SORBS2: variants seen among roughly 807,000 people sequenced by gnomAD.
The protein encoded by SORBS2 is sorbin and SH3 domain-containing protein 2.
In SORBS2, 46 loss-of-function variants were observed where a neutral mutation model predicts 97.7. The ratio of observed to expected loss-of-function variants is 0.47; its 90% CI spans 0.37 to 0.60. SORBS2 has a LOEUF of 0.60. Among genes scored for constraint, SORBS2 ranks in the 20% least tolerant of loss-of-function variants. The pLI, the probability that SORBS2 is intolerant of heterozygous loss-of-function variation, is 0.00. For synonymous variants in SORBS2, 476 were observed against 473.4 expected, an observed-to-expected ratio of 1.01 and a Z score of -0.07; for missense variants, 1,316 against 1,282.3, an observed-to-expected ratio of 1.03 and a Z score of -0.40.
chr4:185,720,551 T>C (rs1348938198), intron 2 of SORBS2, among the ~76,000 whole-genome samples: 1 of 152,184 alleles, frequency 6.6e-6, no homozygotes, highest in Non-Finnish European at 1.5e-5. Context: ...ATTTCCTTTC[T>C]GTGTCCCTCC....
chr4:185,628,058 G>T (rs931717751), intron 5 of SORBS2, among the ~76,000 whole-genome samples: 29 of 152,072 alleles, frequency 1.9e-4, no homozygotes, highest in African/African-American at 7.0e-4. Flanking sequence ...ACATGGATGC[G>T]CCACAGTTTA....
rs2096455272 is a variant in SORBS2 at position 185,607,609 on chromosome 4, G to T, written c.2796+4171C>A. ...TGAAACTCTACTAGTTTTGGAAGGG[G>T]TCTTAAATGTCAAACAAGATAAAGA... On this transcript the variant is annotated intron_variant, in intron 12 of 14. Coordinates refer to ENST00000418609, the Ensembl canonical transcript of SORBS2. The surrounding 1 kb of genome is among the most constrained non-coding windows in gnomAD (Gnocchi z 5.2). 6.6e-6 allele frequency among the ~76,000 whole-genome samples: 1 copy of T among 152,098 alleles called. No homozygotes were observed. The highest frequency in any genetic ancestry group is 1.5e-5 in the Non-Finnish European group (1 of 68,016).
chr4:185,615,611 C>T (rs2096615550), intron 9 of SORBS2, among the ~76,000 whole-genome samples: 1 of 151,730 alleles, frequency 6.6e-6, no homozygotes, highest in South Asian at 2.1e-4. Context: ...AAACAAATAT[C>T]ATGTAGCCTC....
At chr4:185,753,779 T>A (rs2098814558) in intron 2 of SORBS2, among the ~76,000 whole-genome samples, 2 of 152,224 alleles carry the variant, frequency 1.3e-5, no homozygotes, top group Non-Finnish European at 2.9e-5. Flanking sequence ...ATAGCACCAA[T>A]GGATGTGAGT....
At chr4:185,930,212 T>C (rs760775353) in intron 1 of SORBS2, among the ~76,000 whole-genome samples, 3 of 152,200 alleles carry the variant, frequency 2.0e-5, no homozygotes, top group South Asian at 2.1e-4. Context: ...GAAAACCCCA[T>C]AGAATTACAG....
At chr4:185,611,785 T>C (rs745983400) in exon 12 of SORBS2, 7 of 1,613,462 alleles carry the variant, frequency 4.3e-6, no homozygotes, top group African/African-American at 4.0e-5. Context: ...CTTACCTTAT[T>C]TGAGCTCAAG....
chr4:185,719,049 C>G (rs1214192103), intron 2 of SORBS2, among the ~76,000 whole-genome samples: 2 of 151,034 alleles, frequency 1.3e-5, no homozygotes, highest in Non-Finnish European at 3.0e-5. Flanking sequence ...CAAGCTTGCC[C>G]AATAATTCTA....
At chr4:185,748,605 T>A (rs1043291632) in intron 2 of SORBS2, among the ~76,000 whole-genome samples, 1 of 152,236 alleles carries the variant, frequency 6.6e-6, no homozygotes, top group Non-Finnish European at 1.5e-5. Context: ...CGAGAGATGG[T>A]GTGTTACGGA....
In SORBS2 at chr4:185,932,147, G is replaced by T. The variant is rs532829104; in HGVS notation, c.-338+24049C>A. The stretch of plus-strand genomic sequence containing the variant: ...CTTGGTAAACCACTTGGAGGAAGGG[G>T]CCCCAAGATCATGAGGAAATGAGCT... On this transcript the variant is annotated intron_variant, in intron 1 of 20. Coordinates refer to the SORBS2 transcript ENST00000284776. Among the ~76,000 whole-genome samples, 3 of 151,684 alleles carry T rather than the reference G, an allele frequency of 2.0e-5. No homozygotes were observed. In the East Asian group the frequency reaches 5.8e-4, roughly 29 times the overall value.
At chr4:185,939,921 C>T (rs966968307) in intron 1 of SORBS2, among the ~76,000 whole-genome samples, 4 of 152,238 alleles carry the variant, frequency 2.6e-5, no homozygotes, top group African/African-American at 9.6e-5. Context: ...ACACTCTCCA[C>T]CTTGTCAAAT....
chr4:185,619,871 C>CTAGG (rs2096688724), intron 8 of SORBS2, among the ~76,000 whole-genome samples, 192 bp downstream of exon 20: 1 of 152,174 alleles, frequency 6.6e-6, no homozygotes, highest in South Asian at 2.1e-4. Context: ...AGACCCACAG[C>CTAGG]TAGGGTCAGG....
chr4:185,911,965 C>T (rs997999523), intron 1 of SORBS2, among the ~76,000 whole-genome samples: 5 of 152,154 alleles, frequency 3.3e-5, no homozygotes, highest in Non-Finnish European at 7.3e-5. Flanking sequence ...CTCTCCATGG[C>T]ACAGAGAAAT....
At position 185,799,504 on chromosome 4, in the gene SORBS2, G is replaced by T. The variant is rs368112930; in HGVS notation, c.-337-24138C>A. 4.1e-4 allele frequency among the ~76,000 whole-genome samples: 63 copies of T among 152,300 alleles called. No homozygotes were observed. The South Asian group carries it at 0.013, about 31-fold the overall frequency. On this transcript the variant is annotated intron_variant, in intron 1 of 20. Coordinates refer to the SORBS2 transcript ENST00000284776. ...AGGACGAGCATTAGAGTCCCGCTGA[G>T]GTCGCTGAGACTTACACTTCACACG... is the stretch of plus-strand genomic sequence containing the variant.
intron 5 of SORBS2, among the ~76,000 whole-genome samples, chr4:185,629,448 G>A (rs974490196): frequency 6.6e-6 from 1 of 151,676 alleles, no homozygotes. Context: ...TACATAGAAG[G>A]GTAAATTAAT....
intron 1 of SORBS2, among the ~76,000 whole-genome samples, chr4:185,861,750 C>T (rs771156669): frequency 3.3e-5 from 5 of 152,034 alleles, no homozygotes; most frequent in Non-Finnish European, 5.9e-5. Flanking sequence ...GGATTACAGG[C>T]ACCTGCCACT....
chr4:185,931,538 G>A (rs2099266433), intron 1 of SORBS2, among the ~76,000 whole-genome samples: 1 of 152,076 alleles, frequency 6.6e-6, no homozygotes, highest in African/African-American at 2.4e-5. Context: ...CAAGGCCGGG[G>A]GTTATTACTA....
At chr4:185,821,364 G>A (rs564163358) in intron 1 of SORBS2, among the ~76,000 whole-genome samples, 4 of 152,292 alleles carry the variant, frequency 2.6e-5, no homozygotes, top group Admixed American at 1.3e-4. Context: ...CTTGTTTTTC[G>A]TGGTAAGAAC....
chr4:185,896,994 G>A (rs2099245369), intron 1 of SORBS2, among the ~76,000 whole-genome samples: 1 of 151,798 alleles, frequency 6.6e-6, no homozygotes, highest in African/African-American at 2.4e-5. Flanking sequence ...AGCATCTGCA[G>A]CAATTGCGGA....
At chr4:185,825,677 C>T (rs903232378) in intron 1 of SORBS2, among the ~76,000 whole-genome samples, 3 of 152,112 alleles carry the variant, frequency 2.0e-5, no homozygotes, top group Non-Finnish European at 2.9e-5. Context: ...TTGTTGTTCT[C>T]AGGTCCTGTG....
Sources: gnomAD v4.1 joint callset for allele counts (sites outside exome capture counted in the v4.1 genomes callset) on GRCh38, gnomAD v4.1.1 for gene constraint, Gnocchi (gnomAD v3.1) non-coding constraint, MANE v1.5 for transcripts, NCBI Gene and HGNC (gene_info 2026-07-23, HGNC 2026-07-21) for gene names.